DAB1: variants seen among roughly 807,000 people sequenced by gnomAD.
DAB1 encodes the protein DAB adaptor protein 1.
In DAB1, 15 loss-of-function variants were observed where a neutral mutation model predicts 64.6. The observed-to-expected ratio is 0.23, with a 90% CI of 0.16 to 0.36. The LOEUF is 0.36. Ranked by LOEUF, DAB1 falls within the 10% of genes least tolerant of loss-of-function variation. The probability of loss-of-function intolerance (pLI) is 1.00; values close to 1 mark genes in which losing one functional copy is unlikely to be tolerated. For missense variants in DAB1, 596 were observed against 706.7 expected, an observed-to-expected ratio of 0.84 and a Z score of 1.78; for synonymous variants, 235 against 251.9, an observed-to-expected ratio of 0.93 and a Z score of 0.64.
At chr1:57,227,517 TTTTGTG>T (rs1206268676) in intron 2 of DAB1, among the ~76,000 whole-genome samples, 5 of 118,240 alleles carry the variant, frequency 4.2e-5, no homozygotes, top group African/African-American at 1.7e-4. Flanking sequence ...ATTTTTTTTC[TTTTGTG>T]TGTGTGTGTG....
intron 5 of DAB1, among the ~76,000 whole-genome samples, chr1:57,986,726 C>T (rs1646228061): frequency 6.6e-6 from 1 of 152,164 alleles, no homozygotes; most frequent in Admixed American, 6.5e-5. Flanking sequence ...CTTCCAAAGT[C>T]ATTTCTTGAG....
intron 5 of DAB1, among the ~76,000 whole-genome samples, chr1:58,052,561 G>GT (rs567261541): frequency 3.9e-5 from 6 of 152,120 alleles, no homozygotes; most frequent in African/African-American, 1.2e-4. Flanking sequence ...CTTTAAAGTA[G>GT]TTTTTTTCCA....
intron 5 of DAB1, among the ~76,000 whole-genome samples, chr1:57,996,509 C>A (rs1482208551): frequency 2.0e-5 from 3 of 152,110 alleles, no homozygotes; most frequent in African/African-American, 7.2e-5. Flanking sequence ...CGTTCTTTAT[C>A]TTTTCTCAAA....
At chr1:57,757,067 C>CT (rs1648844222) in intron 6 of DAB1, among the ~76,000 whole-genome samples, 1 of 152,090 alleles carries the variant, frequency 6.6e-6, no homozygotes, top group African/African-American at 2.4e-5. Flanking sequence ...GTTTCTCAAA[C>CT]TTTTAAGTGC....
chr1:57,031,622 C>T (rs1646968364), intron 9 of DAB1, among the ~76,000 whole-genome samples: 1 of 152,150 alleles, frequency 6.6e-6, no homozygotes, highest in Non-Finnish European at 1.5e-5. Context: ...TGGACTTGAC[C>T]CACACACCCA....
intron 3 of DAB1, among the ~76,000 whole-genome samples, chr1:58,491,962 A>G (rs946416361): frequency 5.3e-5 from 8 of 152,234 alleles, no homozygotes; most frequent in Admixed American, 1.3e-4. Context: ...CAGAATATAC[A>G]TTCTTTTCAG....
intron 6 of DAB1, among the ~76,000 whole-genome samples, chr1:57,661,730 C>G (rs1646388438): frequency 6.6e-6 from 1 of 152,102 alleles, no homozygotes; most frequent in African/African-American, 2.4e-5. Context: ...AATATTAATA[C>G]CTAATACAAT....
chr1:57,458,344 A>G (rs1434727235), intron 7 of DAB1, among the ~76,000 whole-genome samples: 1 of 152,074 alleles, frequency 6.6e-6, no homozygotes, highest in East Asian at 1.9e-4. Context: ...TGTATTATAA[A>G]CTTTACTATA....
intron 3 of DAB1, among the ~76,000 whole-genome samples, chr1:58,431,816 T>G (rs540483220): frequency 6.6e-6 from 1 of 152,280 alleles, no homozygotes; most frequent in East Asian, 1.9e-4. Flanking sequence ...CCATGGGCTC[T>G]GCACACAGAG....
chr1:58,483,562 G>A (rs1319956743), intron 3 of DAB1, among the ~76,000 whole-genome samples: 1 of 152,200 alleles, frequency 6.6e-6, no homozygotes, highest in Non-Finnish European at 1.5e-5. Flanking sequence ...GTATTTCACA[G>A]CAGATTTAAG....
chr1:57,788,687 T>C (rs373831457), intron 6 of DAB1, among the ~76,000 whole-genome samples: 1 of 152,194 alleles, frequency 6.6e-6, no homozygotes, highest in Non-Finnish European at 1.5e-5. Context: ...TGTTACTTCC[T>C]GTGAGGAACT....
chr1:58,254,368 A>G (rs1356460895), intron 4 of DAB1, among the ~76,000 whole-genome samples: 5 of 147,322 alleles, frequency 3.4e-5, no homozygotes, highest in African/African-American at 1.3e-4. Context: ...AGCTTAAGGC[A>G]AAGGGAATTT....
intron 1 of DAB1, among the ~76,000 whole-genome samples, chr1:57,831,017 C>T (rs1463999944): frequency 1.3e-5 from 2 of 152,154 alleles, no homozygotes; most frequent in East Asian, 3.9e-4. Context: ...GGGTTCACAC[C>T]ATTCTCCTGC....
intron 2 of DAB1, among the ~76,000 whole-genome samples, chr1:57,259,484 A>C (rs1442541675): frequency 2.0e-5 from 3 of 152,166 alleles, no homozygotes; most frequent in Non-Finnish European, 4.4e-5. Flanking sequence ...GTCTTGAGAG[A>C]GGAAGAAGAC....
chr1:57,544,683 A>T (rs187278616), intron 7 of DAB1, among the ~76,000 whole-genome samples: 1 of 152,288 alleles, frequency 6.6e-6, no homozygotes, highest in Admixed American at 6.5e-5. Context: ...GGAGGGACCC[A>T]GTGGGGGGTA....
intron 7 of DAB1, among the ~76,000 whole-genome samples, chr1:57,433,932 A>C (rs1434102048): frequency 6.6e-6 from 1 of 152,008 alleles, no homozygotes; most frequent in Non-Finnish European, 1.5e-5. Flanking sequence ...TATGCAAAGA[A>C]AACTGTAATA....
At chr1:57,976,326 CTTCAT>C (rs1645919204) in intron 5 of DAB1, among the ~76,000 whole-genome samples, 2 of 152,158 alleles carry the variant, frequency 1.3e-5, no homozygotes, top group African/African-American at 4.8e-5. Context: ...CCTCTGTCTC[CTTCAT>C]TTGAGGGGAA....
intron 6 of DAB1, among the ~76,000 whole-genome samples, chr1:57,681,146 A>AT (rs1423804310): frequency 2.0e-5 from 3 of 152,116 alleles, no homozygotes; most frequent in Non-Finnish European, 1.5e-5. Context: ...CCTCCTTTAC[A>AT]TTTTTCTAGC....
chr1:58,390,589 T>C (rs530896130), intron 3 of DAB1, among the ~76,000 whole-genome samples: 141 of 152,322 alleles, frequency 9.3e-4, no homozygotes, highest in African/African-American at 3.3e-3. Flanking sequence ...TAATATAACT[T>C]CACTGCTCCT....
Sources: allele counts gnomAD v4.1 joint callset (sites outside exome capture counted in the v4.1 genomes callset), GRCh38; gene constraint gnomAD v4.1.1; transcripts MANE v1.5; gene names NCBI Gene and HGNC (gene_info 2026-07-23, HGNC 2026-07-21).